The following CLDN14 variants were observed in gnomAD, a reference collection of about 807,000 sequenced individuals.
The protein encoded by CLDN14 is claudin-14.
A neutral mutation model predicts 2.1 loss-of-function variants in CLDN14; 2 were observed. That is an observed-to-expected ratio of 0.96 (90% confidence interval 0.39 to 3.01). The LOEUF is 3.01. Ranked by LOEUF, CLDN14 falls within the 30% of genes most tolerant of loss-of-function variation. CLDN14 has a pLI of 0.09. For synonymous variants in CLDN14, 136 were observed against 154.4 expected (o/e 0.88, Z 0.88); for missense variants, 298 against 328.0 (o/e 0.91, Z 0.71).
At chr21:36,525,164 C>G (rs2087314113) in intron 1 of CLDN14, among the ~76,000 whole-genome samples, 1 of 152,122 alleles carries the variant, frequency 6.6e-6, no homozygotes, top group South Asian at 2.1e-4. Context: ...CCAGCCCAGC[C>G]CTGTGACCTC....
At chr21:36,464,151 T>G in intron 1 of CLDN14, among the ~76,000 whole-genome samples, 1 of 152,144 alleles carries the variant, frequency 6.6e-6, no homozygotes, top group Admixed American at 6.5e-5. Context: ...TGTTTAAAAG[T>G]GTGCAGCACC....
intron 1 of CLDN14, among the ~76,000 whole-genome samples, chr21:36,476,452 A>G (rs936955969): frequency 6.5e-5 from 8 of 122,622 alleles, no homozygotes; most frequent in Admixed American, 2.8e-4. Context: ...TTAATGGATG[A>G]CTATTTTTTT....
intron 2 of CLDN14, chr21:36,486,602 C>T: frequency 6.5e-7 from 1 of 1,546,002 alleles, no homozygotes; most frequent in Non-Finnish European, 8.9e-7. Flanking sequence ...CAGATGAGAA[C>T]CGCTTCCATC....
At chr21:36,495,588 G>A (rs1389698074) in intron 2 of CLDN14, among the ~76,000 whole-genome samples, 1 of 152,242 alleles carries the variant, frequency 6.6e-6, no homozygotes, top group Non-Finnish European at 1.5e-5. Context: ...GATCAATGCA[G>A]ATGCTGATGT....
At chr21:36,523,662 C>T (rs1028973390) in intron 1 of CLDN14, among the ~76,000 whole-genome samples, 6 of 150,076 alleles carry the variant, frequency 4.0e-5, no homozygotes, top group African/African-American at 7.4e-5. Context: ...GCAGGAGAAT[C>T]GCTTGGACCC....
chr21:36,468,747 T>TTTTCTTTCTTTC (rs749433177), intron 1 of CLDN14, among the ~76,000 whole-genome samples: 1 of 150,696 alleles, frequency 6.6e-6, no homozygotes, highest in African/African-American at 2.5e-5. Flanking sequence ...ACTTTTTTCT[T>TTTTCTTTCTTTC]TTTCTTTCTT....
intron 1 of CLDN14, among the ~76,000 whole-genome samples, chr21:36,527,785 A>C (rs2087345559): frequency 6.6e-6 from 1 of 151,998 alleles, no homozygotes; most frequent in South Asian, 2.1e-4. Flanking sequence ...CTAATGTCCT[A>C]ATTTCTTTCT....
At chr21:36,518,336 C>G (rs1209686377) in intron 1 of CLDN14, among the ~76,000 whole-genome samples, 1 of 152,198 alleles carries the variant, frequency 6.6e-6, no homozygotes, top group African/African-American at 2.4e-5. Flanking sequence ...CGTGGTGGCT[C>G]ATGCCTGTAA....
At chr21:36,489,127 A>AAAT (rs1473532335) in intron 2 of CLDN14, among the ~76,000 whole-genome samples, 32 of 90,094 alleles carry the variant, frequency 3.6e-4, no homozygotes, top group South Asian at 8.5e-4. Context: ...GAAAAAAAAA[A>AAAT]AAAAATATAT....
At position 36,462,610 on chromosome 21, in the gene CLDN14, A is replaced by G. The variant is rs2086592350; in HGVS notation, c.-81-834T>C. On this transcript the variant is annotated intron_variant, in intron 1 of 1. Transcript: ENST00000399135. ...GGATACTTTTTCGGGACAAGGACCC[A>G]GCATCAACATAGGGCCAGGCATATA... Among the ~76,000 whole-genome samples the G allele has an allele frequency of 2.0e-5, 3 of 152,146 alleles. No homozygotes were observed. The South Asian group carries it at 6.2e-4, about 32-fold the overall frequency.
chr21:36,501,884 G>A (rs997004382), intron 2 of CLDN14, among the ~76,000 whole-genome samples: 7 of 151,768 alleles, frequency 4.6e-5, no homozygotes, highest in Non-Finnish European at 7.4e-5. Flanking sequence ...TAGGCCACAA[G>A]GAAACACTGG....
chr21:36,528,109 T>G (rs1308156540), intron 1 of CLDN14, among the ~76,000 whole-genome samples: 3 of 152,232 alleles, frequency 2.0e-5, no homozygotes, highest in Non-Finnish European at 2.9e-5. Context: ...AGATCATCCT[T>G]GTTTTTCAAC....
At chr21:36,515,287 A>C (rs2146488284) in intron 1 of CLDN14, among the ~76,000 whole-genome samples, 1 of 152,344 alleles carries the variant, frequency 6.6e-6, no homozygotes, top group Non-Finnish European at 1.5e-5. Flanking sequence ...CACAGTAGCC[A>C]AAAGGTTGAA....
intron 1 of CLDN14, among the ~76,000 whole-genome samples, chr21:36,554,865 G>T (rs1286663709): frequency 1.3e-5 from 2 of 152,194 alleles, no homozygotes; most frequent in African/African-American, 4.8e-5. Flanking sequence ...GGAAGGGTCT[G>T]CAAAGTCTGA....
chr21:36,571,428 G>A (rs1249935321), intron 1 of CLDN14, among the ~76,000 whole-genome samples: 1 of 152,196 alleles, frequency 6.6e-6, no homozygotes, highest in Non-Finnish European at 1.5e-5. Context: ...GTCATGTGGA[G>A]GTTTGCTAGC....
intron 1 of CLDN14, among the ~76,000 whole-genome samples, chr21:36,572,555 T>C (rs1385045045): frequency 6.6e-6 from 1 of 152,210 alleles, no homozygotes; most frequent in African/African-American, 2.4e-5. Flanking sequence ...CATTACATGG[T>C]AATAAATGGA....
intron 1 of CLDN14, among the ~76,000 whole-genome samples, chr21:36,462,478 G>A (rs919936304): frequency 5.3e-5 from 8 of 152,114 alleles, no homozygotes; most frequent in Non-Finnish European, 1.2e-4. Context: ...AGGGCTGTCC[G>A]AGGGTGACTT....
chr21:36,499,325 C>T lies in CLDN14; in HGVS notation c.-82+11038G>A, dbSNP rs2087071236. Among the ~76,000 whole-genome samples, 1 of 152,198 alleles carries T rather than the reference C, an allele frequency of 6.6e-6. No individual in the cohort carries two copies. Among genetic ancestry groups the T allele is most frequent in the South Asian group, 2.1e-4 (1 of 4,824 alleles). The stretch of plus-strand genomic sequence containing the variant: ...AGTGCAGTGGTGTGATCTCAGCTCG[C>T]TGCAACCTCTGCCTCCTGGGTTCAA... On this transcript the variant is annotated intron_variant, in intron 2 of 2. Transcript: ENST00000342108. The surrounding 1 kb of genome is among the most constrained non-coding windows in gnomAD (Gnocchi z 4.7).
intron 1 of CLDN14, among the ~76,000 whole-genome samples, chr21:36,553,307 G>A (rs1752491035): frequency 6.6e-6 from 1 of 152,192 alleles, no homozygotes; most frequent in African/African-American, 2.4e-5. Context: ...GAGAGGAAGG[G>A]GAAGGTGGAT....
Sources: allele counts gnomAD v4.1 joint callset (sites outside exome capture counted in the v4.1 genomes callset), GRCh38; gene constraint gnomAD v4.1.1; non-coding constraint Gnocchi (gnomAD v3.1); transcripts MANE v1.5; gene names NCBI Gene and HGNC (gene_info 2026-07-23, HGNC 2026-07-21).